The following SUSD1 variants were observed in gnomAD, a reference collection of about 807,000 sequenced individuals.
The protein encoded by SUSD1 is sushi domain-containing protein 1.
SUSD1 carries 65 observed loss-of-function variants against 86.9 expected under a neutral mutation model. That is an observed-to-expected ratio of 0.75 (90% CI 0.61 to 0.92). The LOEUF is 0.92. Among genes scored for constraint, SUSD1 ranks in the 40% least tolerant of loss-of-function variants. The pLI, the probability that SUSD1 is intolerant of heterozygous loss-of-function variation, is 0.00. For missense variants in SUSD1, 850 were observed against 929.7 expected (o/e 0.91, Z 1.11); for synonymous variants, 346 against 350.0 (o/e 0.99, Z 0.13).
intron 3 of SUSD1, among the ~76,000 whole-genome samples, chr9:112,146,605 A>C (rs1589724010): frequency 6.1e-5 from 9 of 146,510 alleles, no homozygotes; most frequent in African/African-American, 7.6e-5. Context: ...CAATCTTCTC[A>C]CTCTTCCTCC....
At chr9:112,122,020 T>A (rs1454945927) in intron 6 of SUSD1, among the ~76,000 whole-genome samples, 1 of 152,230 alleles carries the variant, frequency 6.6e-6, no homozygotes, top group Non-Finnish European at 1.5e-5. Flanking sequence ...ACAGATTATC[T>A]TATTCGATTC....
intron 1 of SUSD1, among the ~76,000 whole-genome samples, chr9:112,165,149 C>CT (rs1356010176): frequency 6.6e-6 from 1 of 151,994 alleles, no homozygotes; most frequent in East Asian, 1.9e-4. Flanking sequence ...ACATTTCCTT[C>CT]TTTTTTATTT....
chr9:112,044,404 A>T (rs1446298822), intron 15 of SUSD1, among the ~76,000 whole-genome samples: 1 of 152,260 alleles, frequency 6.6e-6, no homozygotes, highest in Non-Finnish European at 1.5e-5. Context: ...CTGTAATAAC[A>T]TGGGAATGAT....
intron 12 of SUSD1, among the ~76,000 whole-genome samples, chr9:112,063,531 T>A (rs1409226704): frequency 1.3e-5 from 2 of 152,242 alleles, no homozygotes; most frequent in Non-Finnish European, 2.9e-5. Context: ...ACAGTTTGCT[T>A]GGTGGGTAGA....
rs192457562 is a variant in SUSD1 at position 112,123,761 on chromosome 9, T to C, written c.886+496A>G. ...AGGTGGAGGTTGCAGTGAGCTGAGATCGTGCCAGTGCACTCCAGCCAGGGT... is the reference window on the plus strand; with the variant it reads ...AGGTGGAGGTTGCAGTGAGCTGAGACCGTGCCAGTGCACTCCAGCCAGGGT... On this transcript the variant is annotated intron_variant, in intron 6 of 16. Coordinates refer to ENST00000374270, the MANE Select transcript of SUSD1 (RefSeq NM_022486.5). Among the ~76,000 whole-genome samples, 284 of 152,230 alleles carry C rather than the reference T, an allele frequency of 1.9e-3. 3 individuals are homozygous for C. The highest frequency in any genetic ancestry group is 6.6e-3 in the African/African-American group (276 of 41,528).
chr9:112,167,501 G>C (rs1056881227), intron 1 of SUSD1, among the ~76,000 whole-genome samples: 2 of 152,174 alleles, frequency 1.3e-5, no homozygotes, highest in African/African-American at 4.8e-5. Context: ...GCAAATATGA[G>C]ACAATTGACA....
At chr9:112,157,432 C>T (rs995681894) in intron 2 of SUSD1, 68 bp downstream of exon 2, 3 of 1,134,782 alleles carry the variant, frequency 2.6e-6, no homozygotes, top group Admixed American at 4.5e-5. Flanking sequence ...AGGACATCAA[C>T]TCTTTAATAC....
intron 5 of SUSD1, among the ~76,000 whole-genome samples, chr9:112,134,767 T>TA (rs1832185715): frequency 6.9e-6 from 1 of 145,304 alleles, no homozygotes; most frequent in African/African-American, 2.6e-5. Flanking sequence ...TTGAAATTAT[T>TA]TAAAAAAAAA....
At position 112,163,349 on chromosome 9, in the gene SUSD1, T is replaced by C. The variant is rs529743940; in HGVS notation, c.104-5736A>G. 5.9e-5 allele frequency among the ~76,000 whole-genome samples: 9 copies of C among 152,154 alleles called. No homozygotes were observed. The South Asian group carries it at 1.7e-3, about 28-fold the overall frequency. ...TTTTTGTTTTATTTATTTACTTTTT[T>C]AGAGACAGGATCCCACTATGTTGCC... On this transcript the variant is annotated intron_variant, in intron 1 of 16. Coordinates refer to ENST00000374270, the MANE Select transcript of SUSD1 (RefSeq NM_022486.5).
At chr9:112,128,492 C>T (rs1028841662) in intron 5 of SUSD1, among the ~76,000 whole-genome samples, 1 of 152,050 alleles carries the variant, frequency 6.6e-6, no homozygotes, top group African/African-American at 2.4e-5. Flanking sequence ...CTCCTGGGTT[C>T]AAGCAATTCT....
chr9:112,136,542 G>A (rs1832274334), intron 5 of SUSD1, among the ~76,000 whole-genome samples: 1 of 152,156 alleles, frequency 6.6e-6, no homozygotes, highest in African/African-American at 2.4e-5. Context: ...TCCAGAAAAT[G>A]TATTTCAAAT....
chr9:112,063,665 A>C (rs766719462), intron 12 of SUSD1, among the ~76,000 whole-genome samples: 35 of 149,820 alleles, frequency 2.3e-4, no homozygotes, highest in Middle Eastern at 3.4e-3. Context: ...CATCCGGAGG[A>C]AACTACACTG....
intron 1 of SUSD1, chr9:112,173,633 G>A (rs117587992): frequency 4.4e-6 from 2 of 453,556 alleles, no homozygotes; most frequent in Non-Finnish European, 8.6e-6. Context: ...TCTTTGGCTG[G>A]CACAGCCTGA....
At chr9:112,080,798 T>C (rs917036221) in intron 10 of SUSD1, among the ~76,000 whole-genome samples, 11 of 152,240 alleles carry the variant, frequency 7.2e-5, no homozygotes, top group African/African-American at 2.4e-4. Context: ...CTGGACCTTG[T>C]ATACCCTCAT....
At chr9:112,082,284 TA>T (rs1427639152) in intron 10 of SUSD1, among the ~76,000 whole-genome samples, 1 of 152,166 alleles carries the variant, frequency 6.6e-6, no homozygotes, top group Non-Finnish European at 1.5e-5. Flanking sequence ...TATGGTAGGT[TA>T]AATAATGACC....
At position 112,078,557 on chromosome 9, in the gene SUSD1, G is replaced by C. The variant is rs147151457; in HGVS notation, c.1734C>G (p.Ser578=). 2.5e-6 allele frequency: 4 copies of C among 1,610,634 alleles called. No homozygotes were observed. The East Asian group carries it at 8.9e-5, about 36-fold the overall frequency. Reference sequence around the variant, plus strand: ...ATTTACCTGTTATCTGGGTTGTCAGGGAGATGACCACAGGAAGTTCCGAAG... The same window carrying C: ...ATTTACCTGTTATCTGGGTTGTCAGCGAGATGACCACAGGAAGTTCCGAAG... ...ALSSELPVVI[S]LTTQITEPPL... is the part of the protein sequence containing the mutation. Residue 578 remains serine, a synonymous_variant, in exon 12 of 17, where the codon TCC becomes TCG. Transcript: ENST00000374270.
intron 13 of SUSD1, among the ~76,000 whole-genome samples, chr9:112,061,992 T>A (rs1265230562): frequency 6.6e-6 from 1 of 152,184 alleles, no homozygotes; most frequent in Admixed American, 6.5e-5. Flanking sequence ...AATCCTGCCA[T>A]GACCTTTGCA....
chr9:112,099,568 C>G (rs1352776946), intron 9 of SUSD1, among the ~76,000 whole-genome samples: 1 of 152,186 alleles, frequency 6.6e-6, no homozygotes, highest in Admixed American at 6.5e-5. Context: ...AGTCATATCA[C>G]ACACTGTCAC....
At chr9:112,098,861 T>C (rs1228652432) in intron 9 of SUSD1, among the ~76,000 whole-genome samples, 199 bp from the exon 10 acceptor site, 2 of 152,206 alleles carry the variant, frequency 1.3e-5, no homozygotes, top group African/African-American at 2.4e-5. Context: ...CAATCAGGTA[T>C]AGGACCAAGC....
Sources: allele counts gnomAD v4.1 joint callset (sites outside exome capture counted in the v4.1 genomes callset), GRCh38; gene constraint gnomAD v4.1.1; transcripts MANE v1.5; gene names NCBI Gene and HGNC (gene_info 2026-07-23, HGNC 2026-07-21).